Variants in TPTE observed in about 807,000 individuals in gnomAD.
TPTE encodes transmembrane phosphatase with tensin homology.
In TPTE, 59 loss-of-function variants were observed where a neutral mutation model predicts 84.1. That is an observed-to-expected ratio of 0.70 (90% CI 0.57 to 0.87). The LOEUF is 0.87. Ranked by LOEUF, TPTE falls within the 40% of genes least tolerant of loss-of-function variation. TPTE has a pLI of 0.00. For missense variants in TPTE, 382 were observed against 659.6 expected, an observed-to-expected ratio of 0.58 and a Z score of 4.61; for synonymous variants, 130 against 223.5, an observed-to-expected ratio of 0.58 and a Z score of 3.73.
intron 18 of TPTE, 36 bp downstream of exon 18, chr21:10,590,559 G>T (rs774219464): frequency 1.8e-5 from 29 of 1,612,774 alleles, no homozygotes; most frequent in Non-Finnish European, 2.3e-5. Context: ...GTCTTAGGAT[G>T]ATTGAGTTTG....
chr21:10,541,212 C>T, intron 5 of TPTE, 47 bp downstream of exon 5: 7 of 1,608,816 alleles, frequency 4.4e-6, no homozygotes, highest in Middle Eastern at 1.7e-4. Flanking sequence ...TGGTTCACAC[C>T]TGTAATCTGA....
At chr21:10,599,707 T>C (rs1208969734) in intron 21 of TPTE, among the ~76,000 whole-genome samples, 1 of 152,312 alleles carries the variant, frequency 6.6e-6, no homozygotes, top group Non-Finnish European at 1.5e-5. Flanking sequence ...TAACGTGTAA[T>C]ACCTGAGCTT....
intron 14 of TPTE, among the ~76,000 whole-genome samples, chr21:10,573,775 C>T (rs1165080554): frequency 4.6e-5 from 7 of 152,416 alleles, no homozygotes; most frequent in African/African-American, 1.7e-4. Context: ...AATTACCTGA[C>T]TTGGCTGAAT....
intron 21 of TPTE, among the ~76,000 whole-genome samples, chr21:10,601,164 C>T (rs796667149): frequency 9.2e-5 from 14 of 152,384 alleles, no homozygotes; most frequent in African/African-American, 3.4e-4. Context: ...TAATTGATTA[C>T]AGTCTAATGG....
chr21:10,566,877 T>C (rs113637577), intron 10 of TPTE, among the ~76,000 whole-genome samples: 627 of 151,890 alleles, frequency 4.1e-3, no homozygotes, highest in Middle Eastern at 0.014. Flanking sequence ...CTCGTGAGGC[T>C]GAGGCAGGAG....
chr21:10,532,926 T>G (rs2074204206), intron 3 of TPTE, among the ~76,000 whole-genome samples: 1 of 152,308 alleles, frequency 6.6e-6, no homozygotes, highest in South Asian at 2.1e-4. Context: ...ATAGGTCTTT[T>G]GCTGTTTCTA....
intron 3 of TPTE, among the ~76,000 whole-genome samples, chr21:10,531,472 G>C (rs1393696522): frequency 6.6e-6 from 1 of 152,308 alleles, no homozygotes; most frequent in African/African-American, 2.4e-5. Context: ...GGCTTCTTGT[G>C]CAGCACACAA....
intron 3 of TPTE, among the ~76,000 whole-genome samples, chr21:10,532,531 A>C (rs1223997978): frequency 6.6e-6 from 1 of 152,300 alleles, no homozygotes; most frequent in Non-Finnish European, 1.5e-5. Flanking sequence ...TTGCTTCCTT[A>C]TTACTCCATA....
At chr21:10,540,120 T>C (rs1309112265) in intron 4 of TPTE, among the ~76,000 whole-genome samples, 1 of 152,310 alleles carries the variant, frequency 6.6e-6, no homozygotes, top group East Asian at 1.9e-4. Context: ...TGTCTTAGTA[T>C]GTACATGTTA....
At chr21:10,573,035 G>T (rs1367582087) in intron 14 of TPTE, among the ~76,000 whole-genome samples, 2 of 150,468 alleles carry the variant, frequency 1.3e-5, no homozygotes, top group Admixed American at 1.3e-4. Flanking sequence ...CCAATTAAAA[G>T]ATATAGAGTT....
At chr21:10,533,596 T>A (rs912683699) in intron 3 of TPTE, among the ~76,000 whole-genome samples, 1 of 152,426 alleles carries the variant, frequency 6.6e-6, no homozygotes, top group African/African-American at 2.4e-5. Flanking sequence ...TGCAACATAA[T>A]TATTAATAGC....
At chr21:10,540,307 C>A (rs1443359116) in intron 4 of TPTE, among the ~76,000 whole-genome samples, 1 of 152,304 alleles carries the variant, frequency 6.6e-6, no homozygotes, top group Non-Finnish European at 1.5e-5. Context: ...TGACAGGCAT[C>A]CATGGGAACA....
At chr21:10,555,957 A>C (rs1007208248) in intron 8 of TPTE, among the ~76,000 whole-genome samples, 2 of 152,306 alleles carry the variant, frequency 1.3e-5, no homozygotes, top group African/African-American at 4.8e-5. Flanking sequence ...AGAATGCCTA[A>C]AAATTCAAAT....
intron 1 of TPTE, among the ~76,000 whole-genome samples, chr21:10,522,347 GGGGGTC>G (rs1400025359): frequency 6.6e-6 from 1 of 152,290 alleles, no homozygotes; most frequent in Non-Finnish European, 1.5e-5. Flanking sequence ...CGCCGGGAGC[GGGGGTC>G]CGGGGGTCTG....
intron 17 of TPTE, among the ~76,000 whole-genome samples, chr21:10,589,834 A>G (rs1437920328): frequency 1.3e-5 from 2 of 152,308 alleles, no homozygotes; most frequent in African/African-American, 2.4e-5. Flanking sequence ...GGGAATTGCC[A>G]TTTTCTTTCT....
intron 7 of TPTE, among the ~76,000 whole-genome samples, chr21:10,544,650 C>A (rs532700022): frequency 7.1e-4 from 108 of 152,370 alleles, no homozygotes; most frequent in African/African-American, 2.5e-3. Context: ...TCCCAAACTG[C>A]TGGGTTTACG....
At chr21:10,556,717 T>C (rs932184207) in intron 8 of TPTE, among the ~76,000 whole-genome samples, 8 of 152,298 alleles carry the variant, frequency 5.3e-5, no homozygotes, top group Admixed American at 5.2e-4. Context: ...TTTCTTGACT[T>C]TTTAATAATC....
At chr21:10,603,773 T>C in intron 23 of TPTE, 141 bp downstream of exon 23, 1 of 1,078,016 alleles carries the variant, frequency 9.3e-7, no homozygotes, top group East Asian at 2.6e-5. Flanking sequence ...GTTCCTTGCC[T>C]TACTCTTCTT....
At chr21:10,546,103 T>C (rs1218630236) in intron 7 of TPTE, among the ~76,000 whole-genome samples, 3 of 152,308 alleles carry the variant, frequency 2.0e-5, no homozygotes, top group African/African-American at 4.8e-5. Flanking sequence ...AACCCTACAT[T>C]GAGCAAGTCT....
Sources: gnomAD v4.1 joint callset for allele counts (sites outside exome capture counted in the v4.1 genomes callset) on GRCh38, gnomAD v4.1.1 for gene constraint, MANE v1.5 for transcripts, NCBI Gene and HGNC (gene_info 2026-07-23, HGNC 2026-07-21) for gene names.